The following CSMD1 variants were observed in gnomAD, a reference collection of about 807,000 sequenced individuals.
CSMD1 encodes CUB and sushi domain-containing protein 1.
A neutral mutation model predicts 417.5 loss-of-function variants in CSMD1; 213 were observed. The observed-to-expected ratio is 0.51, with a 90% CI of 0.46 to 0.57. CSMD1 has a LOEUF of 0.57. CSMD1 is among the 20% of genes least tolerant of loss of function. The pLI, the probability that CSMD1 is intolerant of heterozygous loss-of-function variation, is 0.00. For missense variants in CSMD1, 6,923 were observed against 4,529.7 expected (o/e 1.53, Z -15.17); for synonymous variants, 2,862 against 1,736.8 (o/e 1.65, Z -16.11).
intron 1 of CSMD1, among the ~76,000 whole-genome samples, chr8:4,670,433 G>C (rs1243053290): frequency 6.6e-6 from 1 of 152,144 alleles, no homozygotes; most frequent in Non-Finnish European, 1.5e-5. Context: ...GATAGTCAAG[G>C]AGCAAACATG....
At chr8:3,728,440 T>C (rs1355808988) in intron 6 of CSMD1, among the ~76,000 whole-genome samples, 2 of 152,192 alleles carry the variant, frequency 1.3e-5, no homozygotes, top group African/African-American at 4.8e-5. Context: ...CTAAACGTTG[T>C]GAAGATGGTA....
At chr8:3,565,215 G>GAC (rs58029640) in intron 10 of CSMD1, among the ~76,000 whole-genome samples, 52,610 of 138,902 alleles carry the variant, frequency 0.38, 10,202 homozygotes, top group Middle Eastern at 0.47. Context: ...GATAGATAGA[G>GAC]AGATAGACAG....
At chr8:3,808,170 T>C (rs1320118504) in intron 5 of CSMD1, among the ~76,000 whole-genome samples, 2 of 152,160 alleles carry the variant, frequency 1.3e-5, no homozygotes, top group African/African-American at 4.8e-5. Flanking sequence ...ATTAAAAAAA[T>C]GTAACCTATT....
intron 3 of CSMD1, among the ~76,000 whole-genome samples, chr8:4,143,482 C>T (rs1220414339): frequency 6.7e-5 from 10 of 149,872 alleles, no homozygotes; most frequent in African/African-American, 2.0e-4. Context: ...ATATATGGCT[C>T]ATAGTTAAAG....
chr8:3,927,344 T>C (rs1182520967), intron 5 of CSMD1, among the ~76,000 whole-genome samples: 1 of 151,832 alleles, frequency 6.6e-6, no homozygotes, highest in Non-Finnish European at 1.5e-5. Flanking sequence ...GAGTATTCAA[T>C]GGAAAAAGGA....
At chr8:4,150,888 C>CTTAATAAATTA (rs1796536609) in intron 3 of CSMD1, among the ~76,000 whole-genome samples, 1 of 2,654 alleles carries the variant, frequency 3.8e-4, no homozygotes, top group African/African-American at 5.6e-4. Flanking sequence ...CTGAGAAACG[C>CTTAATAAATTA]CTGAGAAAGA....
In CSMD1 at chr8:4,934,277, T is replaced by G. The variant is rs538386322; in HGVS notation, c.85+60055A>C. ...ATAAATATTTCCCCACAGAATGCTT[T>G]GGGACCATCCAACATACAGTTGTCC... On this transcript the variant is annotated intron_variant, in intron 1 of 69. Transcript: ENST00000635120. Among the ~76,000 whole-genome samples the G allele has an allele frequency of 9.3e-4, 141 of 152,316 alleles. No homozygotes were observed. The South Asian group carries it at 0.022, about 23-fold the overall frequency.
intron 3 of CSMD1, among the ~76,000 whole-genome samples, chr8:4,283,087 G>GT (rs1001242917): frequency 6.6e-6 from 1 of 152,038 alleles, no homozygotes; most frequent in African/African-American, 2.4e-5. Flanking sequence ...TCAACATCCT[G>GT]TTTTTTAGCA....
At chr8:3,458,489 G>C (rs1320255741) in intron 12 of CSMD1, among the ~76,000 whole-genome samples, 1 of 151,894 alleles carries the variant, frequency 6.6e-6, no homozygotes, top group Non-Finnish European at 1.5e-5. Context: ...CTCCAACCCT[G>C]TCAACAAAAA....
chr8:4,549,153 C>T (rs1797755716), intron 2 of CSMD1, among the ~76,000 whole-genome samples: 1 of 152,086 alleles, frequency 6.6e-6, no homozygotes, highest in Non-Finnish European at 1.5e-5. Context: ...GTCTTTCTTA[C>T]ACAGACTGAC....
intron 1 of CSMD1, among the ~76,000 whole-genome samples, chr8:4,871,688 A>C (rs1310938362): frequency 6.6e-6 from 1 of 152,166 alleles, no homozygotes; most frequent in Non-Finnish European, 1.5e-5. Flanking sequence ...ATATTAATGA[A>C]TCTAGCAAAA....
intron 1 of CSMD1, among the ~76,000 whole-genome samples, chr8:4,720,463 G>A (rs2116906089): frequency 6.6e-6 from 1 of 152,198 alleles, no homozygotes; most frequent in Middle Eastern, 3.4e-3. Flanking sequence ...TGTCACTCAT[G>A]CTGGAGTGCA....
intron 3 of CSMD1, among the ~76,000 whole-genome samples, chr8:4,069,586 G>GT (rs1799438128): frequency 6.6e-6 from 1 of 152,116 alleles, no homozygotes; most frequent in Admixed American, 6.5e-5. Flanking sequence ...GATGTATCTT[G>GT]GGCCAGTGGC....
chr8:4,984,219 C>T (rs1381150904), intron 1 of CSMD1, among the ~76,000 whole-genome samples: 1 of 152,166 alleles, frequency 6.6e-6, no homozygotes, highest in African/African-American at 2.4e-5. Flanking sequence ...CATCACAGGA[C>T]TTGAAGGGAA....
Position 2,965,826 on chromosome 8 carries a change from T to C in CSMD1, c.9229A>G (p.Ile3077Val), listed in dbSNP as rs201934961. 5.9e-4 allele frequency: 946 copies of C among 1,609,028 alleles called. 5 individuals carry two copies. The highest frequency in any genetic ancestry group is 1.0e-4 in the Admixed American group (6 of 59,556). ...YVMEAVTSAT[I>V]RCTKDGRWNP... is the part of the protein sequence containing the mutation. Reference sequence around the variant, plus strand: ...CACCTGCCGTCTTTGGTACAGCGAATAGTGGCGGATGTGACTGCTTCCATG... The same window carrying C: ...CACCTGCCGTCTTTGGTACAGCGAACAGTGGCGGATGTGACTGCTTCCATG... The change falls in exon 59 of 70, where the codon ATT becomes GTT. Residue 3077 changes from isoleucine (I) to valine (V), a missense_variant. Transcript: ENST00000635120.
chr8:4,285,643 G>C (rs184633363), intron 3 of CSMD1, among the ~76,000 whole-genome samples: 196 of 152,310 alleles, frequency 1.3e-3, no homozygotes, highest in African/African-American at 4.5e-3. Flanking sequence ...AGCACAGATG[G>C]TTGGTCTTTG....
At chr8:3,891,933 G>A (rs1376325780) in intron 5 of CSMD1, among the ~76,000 whole-genome samples, 1 of 151,998 alleles carries the variant, frequency 6.6e-6, no homozygotes, top group Non-Finnish European at 1.5e-5. Flanking sequence ...AAACTCTTAA[G>A]AGCAAAATGA....
At chr8:3,381,645 C>T (rs1810633882) in intron 18 of CSMD1, among the ~76,000 whole-genome samples, 2 of 152,114 alleles carry the variant, frequency 1.3e-5, no homozygotes, top group Admixed American at 1.3e-4. Context: ...AGTTATCATC[C>T]TTCTGACACT....
At chr8:4,830,810 T>C (rs1355793540) in intron 1 of CSMD1, among the ~76,000 whole-genome samples, 1 of 152,164 alleles carries the variant, frequency 6.6e-6, no homozygotes, top group Non-Finnish European at 1.5e-5. Context: ...GTGAGGTTAA[T>C]GTGGAATGAG....
Sources: allele counts gnomAD v4.1 joint callset (sites outside exome capture counted in the v4.1 genomes callset), GRCh38; gene constraint gnomAD v4.1.1; transcripts MANE v1.5; gene names NCBI Gene and HGNC (gene_info 2026-07-23, HGNC 2026-07-21).